The following RAB36 variants were observed in gnomAD, a reference collection of about 807,000 sequenced individuals.
RAB36 encodes the protein RAB36, member RAS oncogene family.
Under a neutral mutation model 39.3 loss-of-function variants are expected in RAB36, and 33 were observed. The ratio of observed to expected loss-of-function variants is 0.84; its 90% CI spans 0.64 to 1.12. The LOEUF (loss-of-function observed/expected upper bound fraction) is 1.12. RAB36 is among the 50% of genes most tolerant of loss of function. The pLI, the probability that RAB36 is intolerant of heterozygous loss-of-function variation, is 0.00. For missense variants in RAB36, 308 were observed against 355.3 expected (o/e 0.87, Z 1.07); for synonymous variants, 133 against 140.2 (o/e 0.95, Z 0.36).
Position 23,163,036 on chromosome 22 carries a change from C to T in RAB36, c.*1472C>T. The T allele has an allele frequency of 3.5e-6, 1 of 287,258 alleles. No individual in the cohort carries two copies. The highest frequency in any genetic ancestry group is 3.3e-5 in the South Asian group (1 of 30,668). 17.8% of individuals were successfully genotyped at this position (287,258 alleles called of 1,614,324 possible). On this transcript the variant is annotated 3_prime_UTR_variant, in exon 11 of 11. Transcript: ENST00000263116. The stretch of plus-strand genomic sequence containing the variant: ...AAGCGATTCTCCTGCCTCAGCCTCC[C>T]AAGTAGCTGGGATTACAGGCATGCA...
At chr22:23,165,817 G>A (rs1013730117), downstream of RAB36, among the ~76,000 whole-genome samples, 2 of 152,124 alleles carry the variant, frequency 1.3e-5, no homozygotes, top group African/African-American at 4.8e-5. Context: ...ATGGCAGCTT[G>A]GGCTTCCTCA....
At chr22:23,149,003 C>T (rs2070955820) in intron 2 of RAB36, among the ~76,000 whole-genome samples, 3 of 152,168 alleles carry the variant, frequency 2.0e-5, no homozygotes, top group Admixed American at 6.5e-5. Flanking sequence ...AACTGGAGCT[C>T]GATAAGTTTC....
chr22:23,154,459 C>T (rs2071348511), intron 5 of RAB36, among the ~76,000 whole-genome samples: 2 of 152,330 alleles, frequency 1.3e-5, no homozygotes, highest in East Asian at 1.9e-4. Context: ...AGGGAGAGTA[C>T]AGGCCAGTCA....
In RAB36 at chr22:23,162,785, T is replaced by G. The variant is rs1345356505; in HGVS notation, c.*1221T>G. 1 of 456,038 alleles carries G rather than the reference T, an allele frequency of 2.2e-6. No individual in the cohort carries two copies. The highest frequency in any genetic ancestry group is 1.5e-5 in the South Asian group (1 of 64,562). 28.2% of individuals were successfully genotyped at this position (456,038 alleles called of 1,614,324 possible). On this transcript the variant is annotated 3_prime_UTR_variant, in exon 11 of 11. Transcript: ENST00000263116. ...TGATCAGTACTGCTCTCCTAGGGCC[T>G]GGCACACTGCAGCTGCCCTGTAAAT... is the stretch of plus-strand genomic sequence containing the variant.
chr22:23,150,888 A>G (rs2071076988), intron 3 of RAB36, among the ~76,000 whole-genome samples: 1 of 152,126 alleles, frequency 6.6e-6, no homozygotes, highest in Non-Finnish European at 1.5e-5. Context: ...CTTATCTCAC[A>G]GAATTGCAGG....
chr22:23,157,161 T>G (rs2071499599), intron 6 of RAB36, among the ~76,000 whole-genome samples: 1 of 152,114 alleles, frequency 6.6e-6, no homozygotes, highest in Admixed American at 6.5e-5. Context: ...CCCACCTGGC[T>G]CCCCGGAAGT....
rs573719140 is a variant in RAB36 at position 23,156,526 on chromosome 22, G to A, written c.394+494G>A. Among the ~76,000 whole-genome samples, 30 of 152,284 alleles carry A rather than the reference G, an allele frequency of 2.0e-4. No individual in the cohort carries two copies. In the South Asian group the frequency reaches 4.3e-3, roughly 22 times the overall value. On this transcript the variant is annotated intron_variant, in intron 6 of 10. Coordinates refer to ENST00000263116, the MANE Select transcript of RAB36 (RefSeq NM_004914.5). ...CAGGTGGTGCTGGGCAGGGCTCACCGTCAGCAGGGGGCGGCAGCATAAGCT... is the reference window on the plus strand; with the variant it reads ...CAGGTGGTGCTGGGCAGGGCTCACCATCAGCAGGGGGCGGCAGCATAAGCT...
chr22:23,158,956 G>C lies in RAB36; in HGVS notation c.505G>C (p.Val169Leu), dbSNP rs1569215942. The change falls in exon 8 of 11, where the codon GTG (valine) becomes CTG (leucine). Residue 169 changes from valine (V) to leucine (L), a missense_variant. Transcript: ENST00000263116. ...NEAGSCFIFLVGTKKDLLSGA... is the reference protein window; with the variant it reads ...NEAGSCFIFLLGTKKDLLSGA... ...GGCAGGCTCCTGCTTCATCTTCCTC[G>C]TGGGAACCAAGAAGGACCTTCTGGT... 1 of 1,614,200 alleles carries C rather than the reference G, an allele frequency of 6.2e-7. No homozygotes were observed. Among genetic ancestry groups the C allele is most frequent in the South Asian group, 1.1e-5 (1 of 91,082 alleles).
At chr22:23,149,284 TCTGTATTTA>T (rs2070970677) in intron 2 of RAB36, among the ~76,000 whole-genome samples, 1 of 152,196 alleles carries the variant, frequency 6.6e-6, no homozygotes, top group African/African-American at 2.4e-5. Context: ...CTTGCCACAT[TCTGTATTTA>T]GCCTGGGCCA....
chr22:23,154,139 C>T (rs1243714187), intron 5 of RAB36, among the ~76,000 whole-genome samples: 1 of 152,108 alleles, frequency 6.6e-6, no homozygotes, highest in Admixed American at 6.5e-5. Flanking sequence ...TAGCTTCCCT[C>T]TGCCCCGGCA....
rs75439060 is a variant in RAB36 at position 23,164,747 on chromosome 22, C to T, written c.*3183C>T. On this transcript the variant is annotated 3_prime_UTR_variant, in exon 11 of 11. Coordinates refer to ENST00000263116, the MANE Select transcript of RAB36 (RefSeq NM_004914.5). ...CCCTGTTTCCCTGGACCCTTTCCTG[C>T]TCTCTGTCCATCTGTGTGTCCTTCC... 5.0e-3 allele frequency among the ~76,000 whole-genome samples: 763 copies of T among 152,224 alleles called. 6 individuals carry two copies. The highest frequency in any genetic ancestry group is 0.018 in the African/African-American group (740 of 41,538).
Position 23,165,315 on chromosome 22 carries a change from G to A in RAB36, c.*3751G>A, listed in dbSNP as rs977284505. 6.6e-6 allele frequency among the ~76,000 whole-genome samples: 1 copy of A among 152,228 alleles called. No homozygotes were observed. Among genetic ancestry groups the A allele is most frequent in the Non-Finnish European group, 1.5e-5 (1 of 68,046 alleles). Reference sequence around the variant, plus strand: ...TTACACCTGCCTGGGGAACAATCCTGTGCTTGGCTCTCCTTGGTGGCCAGG... The same window carrying A: ...TTACACCTGCCTGGGGAACAATCCTATGCTTGGCTCTCCTTGGTGGCCAGG... On this transcript the variant is annotated 3_prime_UTR_variant, in exon 11 of 11. Coordinates refer to ENST00000263116, the MANE Select transcript of RAB36 (RefSeq NM_004914.5).
chr22:23,157,926 C>G (rs1601936123), intron 6 of RAB36, 66 bp from the exon 7 acceptor site: 1 of 1,607,874 alleles, frequency 6.2e-7, no homozygotes, highest in Non-Finnish European at 8.5e-7. Context: ...CTGGGCACCT[C>G]CTGGGGAGCC....
chr22:23,162,692 G>C lies in RAB36; in HGVS notation c.*1128G>C, dbSNP rs764821325. 2.2e-6 allele frequency: 1 copy of C among 456,248 alleles called. No homozygotes were observed. The highest frequency in any genetic ancestry group is 4.4e-6 in the Non-Finnish European group (1 of 226,974). 28.3% of individuals were successfully genotyped at this position (456,248 alleles called of 1,614,324 possible). A position where few individuals can be genotyped will look rare whatever the true frequency, so the allele number is the denominator to read the frequency against. On this transcript the variant is annotated 3_prime_UTR_variant, in exon 11 of 11. Coordinates refer to ENST00000263116, the MANE Select transcript of RAB36 (RefSeq NM_004914.5). ...CCCCAGGCCCCTGTCACCTGGCTAT[G>C]CCCACTCATCCCACCCGTCTCGTGC...
At chr22:23,152,843 C>T (rs1057267761) in intron 4 of RAB36, among the ~76,000 whole-genome samples, 190 bp from the exon 5 acceptor site, 7 of 152,196 alleles carry the variant, frequency 4.6e-5, no homozygotes, top group African/African-American at 9.7e-5. Context: ...GCTTGCCTTC[C>T]GAGCTCCTGC....
intron 5 of RAB36, among the ~76,000 whole-genome samples, chr22:23,155,641 C>G (rs1341365016): frequency 6.6e-6 from 1 of 152,198 alleles, no homozygotes; most frequent in Non-Finnish European, 1.5e-5. Context: ...ATCTTCAGAG[C>G]GAGTCATGTC....
rs774591776 is a variant in RAB36 at position 23,145,493 on chromosome 22, C to G, written c.-71C>G. 15 of 1,607,862 alleles carry G rather than the reference C, an allele frequency of 9.3e-6. No individual in the cohort carries two copies. In the South Asian group the frequency reaches 1.6e-4, roughly 18 times the overall value. ...GTGGCTCTCGTTGCCATGGTGATCG[C>G]CGCCGCTGGCTCAGGCGGACCAGGC... On this transcript the variant is annotated 5_prime_UTR_variant, in exon 1 of 11. Transcript: ENST00000263116.
chr22:23,154,034 G>A (rs2071317663), intron 5 of RAB36, among the ~76,000 whole-genome samples: 1 of 151,920 alleles, frequency 6.6e-6, no homozygotes, highest in Non-Finnish European at 1.5e-5. Flanking sequence ...TCTGACTCAC[G>A]ATGGCCTCCA....
At chr22:23,155,649 G>A (rs1022862424) in intron 5 of RAB36, among the ~76,000 whole-genome samples, 4 of 152,228 alleles carry the variant, frequency 2.6e-5, no homozygotes, top group African/African-American at 9.6e-5. Context: ...AGCGAGTCAT[G>A]TCTTGGGCCG....
Sources: allele counts gnomAD v4.1 joint callset (sites outside exome capture counted in the v4.1 genomes callset), GRCh38; gene constraint gnomAD v4.1.1; transcripts MANE v1.5; gene names NCBI Gene and HGNC (gene_info 2026-07-23, HGNC 2026-07-21).